The following RAB2A variants were observed in gnomAD, a reference collection of about 807,000 sequenced individuals.
RAB2A encodes ras-related protein Rab-2A.
Under a neutral mutation model 32.5 loss-of-function variants are expected in RAB2A, and 7 were observed. That is an observed-to-expected ratio of 0.22 (90% confidence interval 0.12 to 0.40). The LOEUF (loss-of-function observed/expected upper bound fraction) is 0.40. Among genes scored for constraint, RAB2A ranks in the 10% least tolerant of loss-of-function variants. The pLI, the probability that RAB2A is intolerant of heterozygous loss-of-function variation, is 1.00. For synonymous variants in RAB2A, 79 were observed against 85.2 expected (o/e 0.93, Z 0.40); for missense variants, 108 against 260.7 (o/e 0.41, Z 4.03).
chr8:60,594,121 G>T (rs1202213492), intron 6 of RAB2A, among the ~76,000 whole-genome samples: 1 of 152,082 alleles, frequency 6.6e-6, no homozygotes, highest in Non-Finnish European at 1.5e-5. Context: ...ACTACCTCAG[G>T]GACTTATAGG....
intron 4 of RAB2A, among the ~76,000 whole-genome samples, 178 bp downstream of exon 4, chr8:60,584,468 T>C (rs1803816581): frequency 6.6e-6 from 1 of 152,250 alleles, no homozygotes; most frequent in Non-Finnish European, 1.5e-5. Context: ...TTGTTTTTCT[T>C]ATTTGAATTA....
At chr8:60,581,981 TG>T (rs1360567284) in intron 3 of RAB2A, among the ~76,000 whole-genome samples, 1 of 151,364 alleles carries the variant, frequency 6.6e-6, no homozygotes, top group Non-Finnish European at 1.5e-5. Flanking sequence ...GGGCCTCATC[TG>T]TTGCCCAGGC....
In RAB2A at chr8:60,518,596, CAAAAAAAAAAAAAAA is replaced by C. The variant is rs59503766; in HGVS notation, c.46+1356_46+1370del. Among the ~76,000 whole-genome samples the C allele has an allele frequency of 6.6e-3, 301 of 45,518 alleles. 3 individuals are homozygous for C. Among genetic ancestry groups the C allele is most frequent in the South Asian group, 0.039 (58 of 1,472 alleles). The allele number at this position is 45,518 out of a possible 152,430, so 29.9% of individuals were successfully genotyped here. Reference sequence around the variant, plus strand: ...ACTTGAGCCCGGAAGGTGGAGTTTGCAAAAAAAAAAAAAAAAAAAAAAAAAAAGCATATTTATTGC... The same window carrying C: ...ACTTGAGCCCGGAAGGTGGAGTTTGCAAAAAAAAAAAAGCATATTTATTGC... On this transcript the variant is annotated intron_variant, in intron 1 of 7. Coordinates refer to ENST00000262646, the MANE Select transcript of RAB2A (RefSeq NM_002865.3).
chr8:60,615,674 C>A (rs954178440), intron 6 of RAB2A, among the ~76,000 whole-genome samples: 6 of 152,118 alleles, frequency 3.9e-5, no homozygotes, highest in Admixed American at 6.6e-5. Context: ...TATTTGACCT[C>A]TCATAAGCCT....
intron 2 of RAB2A, among the ~76,000 whole-genome samples, chr8:60,559,773 C>G (rs975578093): frequency 6.6e-6 from 1 of 152,160 alleles, no homozygotes; most frequent in African/African-American, 2.4e-5. Flanking sequence ...CAACGAATTG[C>G]TTAATGAATC....
chr8:60,618,657 A>C lies in RAB2A; in HGVS notation c.543+9A>C. ...TTGACATTAATAATGAGGTATATACATATAAATATTGTTGGTCAATATTAA... is the reference window on the plus strand; with the variant it reads ...TTGACATTAATAATGAGGTATATACCTATAAATATTGTTGGTCAATATTAA... On this transcript the variant is annotated intron_variant, in intron 7 of 7. Coordinates refer to ENST00000262646, the MANE Select transcript of RAB2A (RefSeq NM_002865.3). 1 of 1,011,414 alleles carries C rather than the reference A, an allele frequency of 9.9e-7. No individual in the cohort carries two copies. Among genetic ancestry groups the C allele is most frequent in the East Asian group, 3.4e-5 (1 of 29,572 alleles). 62.7% of individuals were successfully genotyped at this position (1,011,414 alleles called of 1,614,324 possible). A position where few individuals can be genotyped will look rare whatever the true frequency, so the allele number is the denominator to read the frequency against.
chr8:60,584,625 A>G (rs1395846674), intron 4 of RAB2A, 98 bp from the exon 5 acceptor site: 3 of 965,864 alleles, frequency 3.1e-6, no homozygotes, highest in Non-Finnish European at 1.6e-6. Context: ...ATAAGTGGAT[A>G]TGGCTAAAAG....
intron 2 of RAB2A, among the ~76,000 whole-genome samples, chr8:60,561,578 G>T (rs1330340386): frequency 6.6e-6 from 1 of 151,970 alleles, no homozygotes; most frequent in African/African-American, 2.4e-5. Flanking sequence ...CATTGTTTTT[G>T]ATTTTCCTGT....
At chr8:60,531,822 C>G (rs1468082871) in intron 1 of RAB2A, among the ~76,000 whole-genome samples, 1 of 113,158 alleles carries the variant, frequency 8.8e-6, no homozygotes, top group Non-Finnish European at 1.8e-5. Flanking sequence ...TTTTTTTTAA[C>G]ACGGATTTTC....
intron 3 of RAB2A, among the ~76,000 whole-genome samples, chr8:60,580,767 C>A (rs1803735002): frequency 6.6e-6 from 1 of 152,064 alleles, no homozygotes; most frequent in South Asian, 2.1e-4. Context: ...TAAAAGTTTG[C>A]TTTTCTCCTT....
intron 5 of RAB2A, among the ~76,000 whole-genome samples, chr8:60,585,955 T>A (rs1314509652): frequency 6.6e-6 from 1 of 152,168 alleles, no homozygotes; most frequent in African/African-American, 2.4e-5. Context: ...TCTGCAGTCT[T>A]TGAAAATGTG....
At chr8:60,596,794 G>A (rs11988323) in intron 6 of RAB2A, among the ~76,000 whole-genome samples, 12,453 of 152,114 alleles carry the variant, frequency 0.082, 1,551 homozygotes, top group African/African-American at 0.27. Context: ...GGTGGCAGGC[G>A]CCTGTAGTCC....
At chr8:60,603,471 A>G (rs1378056961) in intron 6 of RAB2A, among the ~76,000 whole-genome samples, 1 of 152,242 alleles carries the variant, frequency 6.6e-6, no homozygotes, top group Non-Finnish European at 1.5e-5. Context: ...TAGATTTCCT[A>G]TTAATCAGCT....
At chr8:60,526,211 A>G (rs1019793612) in intron 1 of RAB2A, among the ~76,000 whole-genome samples, 2 of 151,972 alleles carry the variant, frequency 1.3e-5, no homozygotes, top group African/African-American at 4.8e-5. Flanking sequence ...TCATTCAGCT[A>G]CCTGGCTCAT....
chr8:60,526,952 G>A (rs1289050847), intron 1 of RAB2A, among the ~76,000 whole-genome samples: 3 of 139,068 alleles, frequency 2.2e-5, no homozygotes, highest in Non-Finnish European at 4.5e-5. Flanking sequence ...CTGGGCGACA[G>A]TGCGAGACTC....
chr8:60,606,950 C>T (rs138322877), intron 6 of RAB2A, among the ~76,000 whole-genome samples: 3 of 152,224 alleles, frequency 2.0e-5, no homozygotes, highest in East Asian at 3.9e-4. Context: ...GCGGGGGATG[C>T]GTAACATCTC....
intron 1 of RAB2A, among the ~76,000 whole-genome samples, chr8:60,525,971 C>CTATATGTCTATATGTA (rs1473309541): frequency 1.6e-5 from 2 of 122,486 alleles, no homozygotes; most frequent in East Asian, 2.3e-4. Context: ...ATATATATGT[C>CTATATGTCTATATGTA]TATATGTCTA....
intron 6 of RAB2A, among the ~76,000 whole-genome samples, chr8:60,618,372 TTGA>T (rs1356294475): frequency 2.0e-5 from 3 of 152,190 alleles, no homozygotes; most frequent in African/African-American, 7.2e-5. Flanking sequence ...TCTATGTCTA[TTGA>T]TGATCATGAG....
intron 1 of RAB2A, among the ~76,000 whole-genome samples, chr8:60,520,491 C>G (rs530179300): frequency 3.6e-4 from 55 of 152,350 alleles, no homozygotes; most frequent in African/African-American, 1.3e-3. Context: ...CTAACCCTCC[C>G]TGCTGCTCAA....
Sources: allele counts gnomAD v4.1 joint callset (sites outside exome capture counted in the v4.1 genomes callset), GRCh38; gene constraint gnomAD v4.1.1; transcripts MANE v1.5; gene names NCBI Gene and HGNC (gene_info 2026-07-23, HGNC 2026-07-21).